FIG4: variants seen among roughly 807,000 people sequenced by gnomAD.
FIG4 encodes polyphosphoinositide phosphatase.
A neutral mutation model predicts 118.6 loss-of-function variants in FIG4; 112 were observed. The observed-to-expected ratio is 0.94, with a 90% CI of 0.81 to 1.11. The LOEUF is 1.11. Among genes scored for constraint, FIG4 ranks in the 50% least tolerant of loss-of-function variants. The pLI, the probability that FIG4 is intolerant of heterozygous loss-of-function variation, is 0.00. For missense variants in FIG4, 969 were observed against 1,111.7 expected (o/e 0.87, Z 1.83); for synonymous variants, 369 against 381.2 (o/e 0.97, Z 0.37).
rs905992894 is a variant in FIG4 at position 109,763,841 on chromosome 6, T to C, written c.1389-96T>C. On this transcript the variant is annotated intron_variant, in intron 12 of 22. Transcript: ENST00000230124. ...ATTTTTCAGGAGCCTTCAGCTCTAT[T>C]ACTTTAATTCTATGATTCTTAACAA... 88 of 852,260 alleles carry C rather than the reference T, an allele frequency of 1.0e-4. 1 individual carries two copies. The Admixed American group carries it at 1.6e-3, about 16-fold the overall frequency. 52.8% of individuals were successfully genotyped at this position (852,260 alleles called of 1,614,324 possible). A position where few individuals can be genotyped will look rare whatever the true frequency, so the allele number is the denominator to read the frequency against.
chr6:109,773,293 T>C (rs923394942), intron 15 of FIG4, among the ~76,000 whole-genome samples: 2 of 152,184 alleles, frequency 1.3e-5, no homozygotes, highest in African/African-American at 4.8e-5. Flanking sequence ...TGCAAAGTCC[T>C]TTTTACCATG....
At chr6:109,737,212 A>G (rs1776184576) in intron 6 of FIG4, among the ~76,000 whole-genome samples, 1 of 152,158 alleles carries the variant, frequency 6.6e-6, no homozygotes, top group East Asian at 1.9e-4. Flanking sequence ...TAAACTGATA[A>G]GAAATGGAGT....
intron 10 of FIG4, among the ~76,000 whole-genome samples, chr6:109,759,895 T>G (rs1393816066): frequency 6.6e-6 from 1 of 152,182 alleles, no homozygotes; most frequent in Admixed American, 6.5e-5. Context: ...CTGGTTAAAG[T>G]TGGGGGCTCC....
intron 1 of FIG4, among the ~76,000 whole-genome samples, chr6:109,696,657 C>T (rs1774730612): frequency 1.3e-5 from 2 of 152,112 alleles, no homozygotes; most frequent in Admixed American, 1.3e-4. Flanking sequence ...GATAAATGTT[C>T]TCATTCACAC....
intron 1 of FIG4, among the ~76,000 whole-genome samples, chr6:109,712,929 G>A (rs1775309919): frequency 6.6e-6 from 1 of 151,930 alleles, no homozygotes; most frequent in Non-Finnish European, 1.5e-5. Flanking sequence ...CCTATTTGAT[G>A]ACCTTAAGGG....
intron 16 of FIG4, among the ~76,000 whole-genome samples, chr6:109,784,551 G>T (rs141159545): frequency 1.3e-5 from 2 of 152,198 alleles, no homozygotes; most frequent in East Asian, 1.9e-4. Flanking sequence ...ATAACTACAC[G>T]CAAGGGAATC....
At chr6:109,748,013 A>T (rs965545683) in intron 10 of FIG4, among the ~76,000 whole-genome samples, 1 of 152,144 alleles carries the variant, frequency 6.6e-6, no homozygotes. Flanking sequence ...ATTTGTGAGC[A>T]TGCACATTCC....
At chr6:109,786,860 G>A (rs58730628) in intron 18 of FIG4, among the ~76,000 whole-genome samples, 1 of 151,974 alleles carries the variant, frequency 6.6e-6, no homozygotes, top group Non-Finnish European at 1.5e-5. Flanking sequence ...ACTTACCTGA[G>A]CATTATTTTC....
At chr6:109,768,133 A>AACCGGATGTGGGCCT (rs1435622908) in intron 15 of FIG4, among the ~76,000 whole-genome samples, 1 of 152,150 alleles carries the variant, frequency 6.6e-6, no homozygotes, top group Non-Finnish European at 1.5e-5. Flanking sequence ...GTTGACTGGT[A>AACCGGATGTGGGCCT]ACCGGATGTG....
At chr6:109,790,012 A>G (rs1778093707) in intron 19 of FIG4, among the ~76,000 whole-genome samples, 1 of 152,236 alleles carries the variant, frequency 6.6e-6, no homozygotes, top group Non-Finnish European at 1.5e-5. Context: ...CCTCAGTAAC[A>G]TAAAAGCAAA....
chr6:109,745,891 G>GA (rs2128387475), intron 10 of FIG4, among the ~76,000 whole-genome samples: 1 of 152,060 alleles, frequency 6.6e-6, no homozygotes, highest in East Asian at 1.9e-4. Flanking sequence ...CACAGAATTA[G>GA]AAAAAGCTAC....
chr6:109,700,402 A>C (rs1440695733), intron 1 of FIG4, among the ~76,000 whole-genome samples: 1 of 152,240 alleles, frequency 6.6e-6, no homozygotes, highest in Non-Finnish European at 1.5e-5. Flanking sequence ...GATATCAACA[A>C]GTAGCTCACT....
At chr6:109,771,065 G>A (rs1777443548) in intron 15 of FIG4, among the ~76,000 whole-genome samples, 1 of 152,158 alleles carries the variant, frequency 6.6e-6, no homozygotes, top group Admixed American at 6.5e-5. Flanking sequence ...GCCTTCTGAG[G>A]TTATCCTTCA....
chr6:109,809,937 T>A (rs1401060404), intron 22 of FIG4, among the ~76,000 whole-genome samples: 1 of 152,052 alleles, frequency 6.6e-6, no homozygotes, highest in Non-Finnish European at 1.5e-5. Context: ...ATCTCTCTGC[T>A]CCCCCATTGT....
chr6:109,794,251 G>A (rs1321870190), intron 21 of FIG4, among the ~76,000 whole-genome samples: 1 of 152,180 alleles, frequency 6.6e-6, no homozygotes, highest in Non-Finnish European at 1.5e-5. Flanking sequence ...CCTTTTATGG[G>A]CTAATAGCGC....
At chr6:109,766,485 G>C (rs1777283114) in intron 14 of FIG4, among the ~76,000 whole-genome samples, 1 of 152,208 alleles carries the variant, frequency 6.6e-6, no homozygotes, top group Non-Finnish European at 1.5e-5. Flanking sequence ...ACCTGGTCTG[G>C]CTTTGGTGGG....
chr6:109,701,898 C>T (rs1338608130), intron 1 of FIG4, among the ~76,000 whole-genome samples: 1 of 152,114 alleles, frequency 6.6e-6, no homozygotes, highest in Non-Finnish European at 1.5e-5. Flanking sequence ...TTGGAGGTGA[C>T]ATTCACATTT....
chr6:109,730,075 G>T (rs1369782344), intron 4 of FIG4, among the ~76,000 whole-genome samples: 1 of 151,586 alleles, frequency 6.6e-6, no homozygotes, highest in East Asian at 1.9e-4. Flanking sequence ...TTGAGACAAG[G>T]TCTCACTCTG....
At chr6:109,731,750 T>G (rs1776008313) in intron 4 of FIG4, among the ~76,000 whole-genome samples, 1 of 152,148 alleles carries the variant, frequency 6.6e-6, no homozygotes, top group Admixed American at 6.6e-5. Context: ...ATCAGGAACT[T>G]GAGCATCTGC....
Sources: gnomAD v4.1 joint callset for allele counts (sites outside exome capture counted in the v4.1 genomes callset) on GRCh38, gnomAD v4.1.1 for gene constraint, MANE v1.5 for transcripts, NCBI Gene and HGNC (gene_info 2026-07-23, HGNC 2026-07-21) for gene names.